SH3D19: variants seen among roughly 807,000 people sequenced by gnomAD.
SH3D19 encodes the protein SH3 domain-containing protein 19.
SH3D19 carries 58 observed loss-of-function variants against 112.1 expected under a neutral mutation model. The ratio of observed to expected loss-of-function variants is 0.52; its 90% CI spans 0.42 to 0.64. The LOEUF is 0.64. Ranked by LOEUF, SH3D19 falls within the 30% of genes least tolerant of loss-of-function variation. The probability of loss-of-function intolerance (pLI) is 0.00; values close to 1 mark genes in which losing one functional copy is unlikely to be tolerated. For synonymous variants in SH3D19, 391 were observed against 448.5 expected (o/e 0.87, Z 1.62); for missense variants, 1,090 against 1,263.4 (o/e 0.86, Z 2.08).
At chr4:151,164,351 C>CTG (rs750691278) in intron 8 of SH3D19, among the ~76,000 whole-genome samples, 8 of 151,886 alleles carry the variant, frequency 5.3e-5, no homozygotes, top group Non-Finnish European at 8.8e-5. Context: ...CTGGAACCCA[C>CTG]TGTGTGTGTG....
chr4:151,299,891 G>T (rs1378939302), intron 1 of SH3D19, among the ~76,000 whole-genome samples: 1 of 152,034 alleles, frequency 6.6e-6, no homozygotes, highest in Non-Finnish European at 1.5e-5. Flanking sequence ...CTAAAAACAG[G>T]TTGCAGCGAA....
chr4:151,194,138 G>C (rs1310616568), intron 2 of SH3D19, among the ~76,000 whole-genome samples: 1 of 146,504 alleles, frequency 6.8e-6, no homozygotes, highest in Non-Finnish European at 1.5e-5. Context: ...CGATACTCCT[G>C]CCTCAGCCTC....
chr4:151,226,044 T>C lies in SH3D19; in HGVS notation c.152+3A>G. The C allele has an allele frequency of 1.6e-6, 2 of 1,231,084 alleles. No individual in the cohort carries two copies. Among genetic ancestry groups the C allele is most frequent in the African/African-American group, 1.5e-5 (1 of 64,526 alleles). The allele number at this position is 1,231,084 out of a possible 1,614,324, so 76.3% of individuals were successfully genotyped here. A position where few individuals can be genotyped will look rare whatever the true frequency, so the allele number is the denominator to read the frequency against. On this transcript the variant is annotated splice_donor_region_variant and intron_variant, in intron 2 of 19. Coordinates refer to ENST00000604030, the MANE Select transcript of SH3D19 (RefSeq NM_001378122.1). ...AGAATTATTAGATACTGTAAATTCA[T>C]ACCTTGAAGAACGATGTTCTGGTTT...
chr4:151,225,391 T>C (rs1239645536), intron 2 of SH3D19, among the ~76,000 whole-genome samples: 1 of 152,208 alleles, frequency 6.6e-6, no homozygotes, highest in Non-Finnish European at 1.5e-5. Context: ...CACCTATAAG[T>C]TTGACAAGGA....
intron 9 of SH3D19, among the ~76,000 whole-genome samples, chr4:151,153,258 A>AC (rs1171385871): frequency 6.6e-6 from 1 of 151,260 alleles, no homozygotes; most frequent in African/African-American, 2.4e-5. Flanking sequence ...TTCTTTTTTT[A>AC]TTTTTTAGAG....
chr4:151,304,728 A>G (rs1178369430), intron 1 of SH3D19, among the ~76,000 whole-genome samples: 1 of 152,200 alleles, frequency 6.6e-6, no homozygotes, highest in Non-Finnish European at 1.5e-5. Flanking sequence ...GGCTTTGAAT[A>G]GCTCCCACAT....
Position 151,128,280 on chromosome 4 carries a change from T to G in SH3D19, c.2819A>C (p.Lys940Thr). The change falls in exon 18 of 20, where the codon AAG (lysine) becomes ACG (threonine). Residue 940 changes from lysine to threonine, a missense_variant. Transcript: ENST00000604030. Reference protein sequence around the residue: ...TAETSDDLSFKRGDRIQILER... With the variant: ...TAETSDDLSFTRGDRIQILER... ...CAGAATCTGGATCCGGTCTCCCCTC[T>G]TGAATGATAAGTCATCACTGGTCTC... 2.5e-6 allele frequency: 4 copies of G among 1,614,148 alleles called. No homozygotes were observed. The highest frequency in any genetic ancestry group is 3.4e-6 in the Non-Finnish European group (4 of 1,180,008).
At chr4:151,275,247 C>A (rs528232022) in intron 1 of SH3D19, among the ~76,000 whole-genome samples, 1 of 151,952 alleles carries the variant, frequency 6.6e-6, no homozygotes, top group African/African-American at 2.4e-5. Flanking sequence ...CCACTACACC[C>A]GGCTAATTTT....
At chr4:151,141,371 C>T (rs1752951120) in intron 12 of SH3D19, among the ~76,000 whole-genome samples, 1 of 152,174 alleles carries the variant, frequency 6.6e-6, no homozygotes, top group African/African-American at 2.4e-5. Flanking sequence ...GGTGATCCAC[C>T]CATCTTGGCC....
chr4:151,218,996 T>G (rs775816403), intron 2 of SH3D19, among the ~76,000 whole-genome samples: 3 of 152,192 alleles, frequency 2.0e-5, no homozygotes, highest in African/African-American at 4.8e-5. Flanking sequence ...CTTCTACAGC[T>G]TGCTTTTGTC....
intron 9 of SH3D19, among the ~76,000 whole-genome samples, chr4:151,158,767 C>T (rs1342046538): frequency 6.6e-6 from 1 of 151,354 alleles, no homozygotes; most frequent in Non-Finnish European, 1.5e-5. Flanking sequence ...TCTCTTTGAC[C>T]TCCATCTTAA....
chr4:151,256,827 A>G (rs1389197230), intron 1 of SH3D19, among the ~76,000 whole-genome samples: 3 of 151,056 alleles, frequency 2.0e-5, no homozygotes, highest in Non-Finnish European at 1.5e-5. Context: ...TGCAACCTCT[A>G]CCTCCTGGGT....
intron 10 of SH3D19, 113 bp from the exon 11 acceptor site, chr4:151,148,299 C>G: frequency 9.4e-7 from 1 of 1,066,826 alleles, no homozygotes; most frequent in Non-Finnish European, 1.3e-6. Context: ...AGAGACACAG[C>G]TTTCTGCTAG....
chr4:151,261,692 T>C (rs184731631), intron 1 of SH3D19, among the ~76,000 whole-genome samples: 7 of 152,374 alleles, frequency 4.6e-5, no homozygotes, highest in African/African-American at 1.2e-4. Flanking sequence ...GCCTCTTTCA[T>C]ATTTCTTCTG....
At position 151,175,387 on chromosome 4, in the gene SH3D19, T is replaced by C. The variant is rs1222273027; in HGVS notation, c.817A>G (p.Ser273Gly). The C allele has an allele frequency of 7.6e-6, 12 of 1,581,526 alleles. No homozygotes were observed. In the Admixed American group the frequency reaches 1.9e-4, roughly 25 times the overall value. The change falls in exon 7 of 20, where the codon AGC (serine) becomes GGC (glycine). Residue 273 changes from serine (S) to glycine (G), a missense_variant. Coordinates refer to ENST00000604030, the MANE Select transcript of SH3D19 (RefSeq NM_001378122.1). ...ATCACTGCCTGACTGTCTGAGGTGC[T>C]AGCGTTGTCCAGCAGAGACTGGGGC... is the stretch of plus-strand genomic sequence containing the variant. The part of the protein sequence containing the change: ...GRPQSLLDNA[S>G]TSDSQAVMNI...
In SH3D19 at chr4:151,159,068, A is replaced by T. The variant is rs1418397252; in HGVS notation, c.1755+172T>A. On this transcript the variant is annotated intron_variant, in intron 9 of 19. Coordinates refer to ENST00000604030, the MANE Select transcript of SH3D19 (RefSeq NM_001378122.1). ...GCCTAATCTCTCTATAGGGACTTTT[A>T]ACATATTGAACACTATATTATATAA... Among the ~76,000 whole-genome samples, 4 of 152,228 alleles carry T rather than the reference A, an allele frequency of 2.6e-5. No individual in the cohort carries two copies. Among genetic ancestry groups the T allele is most frequent in the Non-Finnish European group, 5.9e-5 (4 of 68,040 alleles).
At position 151,121,141 on chromosome 4, in the gene SH3D19, TG is replaced by T. The variant is rs1288144011; in HGVS notation, c.*949del. 1 of 152,628 alleles carries T rather than the reference TG, an allele frequency of 6.6e-6. No individual in the cohort carries two copies. Among genetic ancestry groups the T allele is most frequent in the East Asian group, 1.9e-4 (1 of 5,206 alleles). 9.5% of individuals were successfully genotyped at this position (152,628 alleles called of 1,614,324 possible). Reference sequence around the variant, plus strand: ...TACAAAGAAATGAGCTGTGGAGGTTTGGCACTGTTTTCCATCTTAACAGTTG... The same window carrying T: ...TACAAAGAAATGAGCTGTGGAGGTTTGCACTGTTTTCCATCTTAACAGTTG... On this transcript the variant is annotated 3_prime_UTR_variant, in exon 20 of 20. Transcript: ENST00000604030.
chr4:151,288,720 G>T (rs977621935), intron 1 of SH3D19, among the ~76,000 whole-genome samples: 1 of 151,902 alleles, frequency 6.6e-6, no homozygotes, highest in Admixed American at 6.6e-5. Flanking sequence ...CCATGCAGTT[G>T]CAATGAATAA....
intron 19 of SH3D19, among the ~76,000 whole-genome samples, chr4:151,123,640 C>A (rs1748530014): frequency 6.6e-6 from 1 of 152,176 alleles, no homozygotes; most frequent in South Asian, 2.1e-4. Context: ...TGACTCAGGA[C>A]ACTGTTTTAT....
Sources: gnomAD v4.1 joint callset for allele counts (sites outside exome capture counted in the v4.1 genomes callset) on GRCh38, gnomAD v4.1.1 for gene constraint, MANE v1.5 for transcripts, NCBI Gene and HGNC (gene_info 2026-07-23, HGNC 2026-07-21) for gene names.